Variants in TBC1D4 observed in about 807,000 individuals in gnomAD.
The protein encoded by TBC1D4 is TBC (Tre-2, BUB2, CDC16) domain-containing protein.
A neutral mutation model predicts 142.5 loss-of-function variants in TBC1D4; 121 were observed. The ratio of observed to expected loss-of-function variants is 0.85; its 90% CI spans 0.73 to 0.99. The LOEUF (loss-of-function observed/expected upper bound fraction) is 0.99. Among genes scored for constraint, TBC1D4 ranks in the 50% least tolerant of loss-of-function variants. TBC1D4 has a pLI of 0.00. For synonymous variants in TBC1D4, 630 were observed against 628.2 expected, an observed-to-expected ratio of 1.00 and a Z score of -0.04; for missense variants, 1,475 against 1,606.6, an observed-to-expected ratio of 0.92 and a Z score of 1.40.
intron 5 of TBC1D4, among the ~76,000 whole-genome samples, chr13:75,346,609 C>T (rs184577222): frequency 3.9e-5 from 6 of 152,130 alleles, no homozygotes; most frequent in Non-Finnish European, 5.9e-5. Flanking sequence ...AATAAACATA[C>T]GTGTGCATGT....
chr13:75,335,198 T>C (rs990752037), intron 8 of TBC1D4, among the ~76,000 whole-genome samples: 10 of 152,132 alleles, frequency 6.6e-5, no homozygotes, highest in African/African-American at 2.4e-4. Flanking sequence ...TCCCCTTCTC[T>C]GCAGATTCCC....
At position 75,409,804 on chromosome 13, in the gene TBC1D4, G is replaced by A. The variant is rs544576010; in HGVS notation, c.499-47197C>T. ...TGTAATTTCAATTAATAAATTTAGC[G>A]AACCCTTTGCTAGATAGCTATAAAG... On this transcript the variant is annotated intron_variant, in intron 1 of 20. Transcript: ENST00000377636. 1.4e-4 allele frequency among the ~76,000 whole-genome samples: 22 copies of A among 152,220 alleles called. 1 individual carries two copies. The highest frequency in any genetic ancestry group is 6.8e-3 in the Middle Eastern group (2 of 294).
intron 1 of TBC1D4, among the ~76,000 whole-genome samples, chr13:75,462,272 T>G (rs1888002174): frequency 6.6e-6 from 1 of 152,186 alleles, no homozygotes; most frequent in African/African-American, 2.4e-5. Context: ...TGCAAATGTG[T>G]CCGAGGTGTC....
chr13:75,458,181 G>A (rs1249092916), intron 1 of TBC1D4, among the ~76,000 whole-genome samples: 1 of 152,150 alleles, frequency 6.6e-6, no homozygotes, highest in East Asian at 1.9e-4. Context: ...ATTTTATTGA[G>A]TGGTGCAGGT....
At chr13:75,384,379 C>T (rs929123576) in intron 1 of TBC1D4, among the ~76,000 whole-genome samples, 3 of 151,924 alleles carry the variant, frequency 2.0e-5, no homozygotes, top group South Asian at 2.1e-4. Context: ...GAGGTTGCAG[C>T]GAGCTGAGAT....
At chr13:75,290,385 T>C (rs1488257719) in intron 19 of TBC1D4, among the ~76,000 whole-genome samples, 3 of 152,110 alleles carry the variant, frequency 2.0e-5, no homozygotes, top group Non-Finnish European at 2.9e-5. Flanking sequence ...TGTTAGTAAA[T>C]TCTCTCCAAT....
At chr13:75,342,432 G>A (rs1880791672) in intron 5 of TBC1D4, among the ~76,000 whole-genome samples, 1 of 152,166 alleles carries the variant, frequency 6.6e-6, no homozygotes, top group African/African-American at 2.4e-5. Flanking sequence ...CAAGACTACG[G>A]CTTTGACAGA....
At chr13:75,470,113 G>A (rs73221958) in intron 1 of TBC1D4, among the ~76,000 whole-genome samples, 10,101 of 152,182 alleles carry the variant, frequency 0.066, 382 homozygotes, top group Admixed American at 0.11. Flanking sequence ...TAAAATGAGA[G>A]TTAAAATACC....
chr13:75,481,120 G>T, intron 1 of TBC1D4, 150 bp downstream of exon 1: 1 of 1,274,030 alleles, frequency 7.8e-7, no homozygotes, highest in Non-Finnish European at 1.1e-6. Flanking sequence ...CAGGGAAGGG[G>T]CCAGCCGGCG....
At chr13:75,335,870 C>T (rs1203291255) in intron 8 of TBC1D4, among the ~76,000 whole-genome samples, 1 of 152,066 alleles carries the variant, frequency 6.6e-6, no homozygotes, top group Admixed American at 6.5e-5. Context: ...TACAAGTTAC[C>T]CAGTTTCAGG....
intron 15 of TBC1D4, among the ~76,000 whole-genome samples, chr13:75,304,655 G>A (rs1465484530): frequency 1.3e-5 from 2 of 152,086 alleles, no homozygotes; most frequent in Non-Finnish European, 2.9e-5. Flanking sequence ...AGGATGCTCT[G>A]GGCTTAAAGC....
intron 1 of TBC1D4, among the ~76,000 whole-genome samples, chr13:75,376,927 G>A (rs1426821293): frequency 1.3e-5 from 2 of 152,124 alleles, no homozygotes; most frequent in Non-Finnish European, 1.5e-5. Context: ...ATAGCACCAC[G>A]TGTGTAACCA....
chr13:75,313,836 G>T (rs1878026774), intron 12 of TBC1D4, among the ~76,000 whole-genome samples: 1 of 152,172 alleles, frequency 6.6e-6, no homozygotes, highest in African/African-American at 2.4e-5. Context: ...GTTAAAAAAT[G>T]TTAACAGATT....
intron 1 of TBC1D4, among the ~76,000 whole-genome samples, chr13:75,410,121 A>T (rs184172032): frequency 1.3e-5 from 2 of 152,338 alleles, no homozygotes; most frequent in South Asian, 2.1e-4. Flanking sequence ...TAATGTACGT[A>T]AATAACGGTG....
Position 75,367,989 on chromosome 13 carries a change from G to A in TBC1D4, c.499-5382C>T, listed in dbSNP as rs541766108. On this transcript the variant is annotated intron_variant, in intron 1 of 20. Coordinates refer to ENST00000377636, the MANE Select transcript of TBC1D4 (RefSeq NM_014832.5). ...GCTCCAGTAGCCTTAGAAGCACACC[G>A]AGTTCGTGCTATGGTTTTTAGGGTG... Among the ~76,000 whole-genome samples, 145 of 152,254 alleles carry A rather than the reference G, an allele frequency of 9.5e-4. 4 individuals are homozygous for A. In the South Asian group the frequency reaches 0.029, roughly 30 times the overall value.
At chr13:75,333,573 T>C (rs1432442115) in intron 8 of TBC1D4, among the ~76,000 whole-genome samples, 1 of 152,196 alleles carries the variant, frequency 6.6e-6, no homozygotes, top group Non-Finnish European at 1.5e-5. Context: ...GTTACCAATA[T>C]AAAGCTCCAC....
At chr13:75,474,975 T>C (rs1336831727) in intron 1 of TBC1D4, among the ~76,000 whole-genome samples, 2 of 152,158 alleles carry the variant, frequency 1.3e-5, no homozygotes. Context: ...TTCTCATCTA[T>C]AAAATGAAGG....
At chr13:75,305,391 G>C (rs1181493235) in intron 15 of TBC1D4, among the ~76,000 whole-genome samples, 1 of 152,124 alleles carries the variant, frequency 6.6e-6, no homozygotes, top group African/African-American at 2.4e-5. Flanking sequence ...AAATATCTTT[G>C]AAAGTCATGC....
At chr13:75,444,471 A>G (rs1338529179) in intron 1 of TBC1D4, among the ~76,000 whole-genome samples, 3 of 152,204 alleles carry the variant, frequency 2.0e-5, no homozygotes, top group East Asian at 1.9e-4. Context: ...CATAATTTAG[A>G]TAAGATAATA....
Sources: gnomAD v4.1 joint callset for allele counts (sites outside exome capture counted in the v4.1 genomes callset) on GRCh38, gnomAD v4.1.1 for gene constraint, MANE v1.5 for transcripts, NCBI Gene and HGNC (gene_info 2026-07-23, HGNC 2026-07-21) for gene names.